The following ICAM5 variants were observed in gnomAD, a reference collection of about 807,000 sequenced individuals.
ICAM5 encodes ICAM-5.
A neutral mutation model predicts 78.8 loss-of-function variants in ICAM5; 38 were observed. The observed-to-expected ratio is 0.48, with a 90% confidence interval of 0.37 to 0.63. The LOEUF is 0.63. ICAM5 is among the 30% of genes least tolerant of loss of function. ICAM5 has a pLI of 0.00. For synonymous variants in ICAM5, 544 were observed against 590.9 expected, an observed-to-expected ratio of 0.92 and a Z score of 1.15; for missense variants, 1,059 against 1,303.0, an observed-to-expected ratio of 0.81 and a Z score of 2.88.
intron 4 of ICAM5, 104 bp downstream of exon 4, chr19:10,292,426 C>G (rs2040181652): frequency 2.3e-6 from 3 of 1,311,686 alleles, no homozygotes; most frequent in Admixed American, 2.6e-5. Flanking sequence ...AGGCGTGGCC[C>G]GAGGGGCGGG....
In ICAM5 at chr19:10,290,794, C is replaced by G; in HGVS notation, c.83-278C>G. 1 of 542,962 alleles carries G rather than the reference C, an allele frequency of 1.8e-6. No homozygotes were observed. Among genetic ancestry groups the G allele is most frequent in the Non-Finnish European group, 3.3e-6 (1 of 306,248 alleles). The allele number at this position is 542,962 out of a possible 1,614,324, so 33.6% of individuals were successfully genotyped here. A position where few individuals can be genotyped will look rare whatever the true frequency, so the allele number is the denominator to read the frequency against. ...GTTCATCCAAGAACCCACCTTTCCT[C>G]TCCTCTACGCCCTCCCCCCATGCTT... On this transcript the variant is annotated intron_variant, in intron 1 of 10. Coordinates refer to ENST00000221980, the MANE Select transcript of ICAM5 (RefSeq NM_003259.4). The surrounding 1 kb of genome is among the most constrained non-coding windows in gnomAD (Gnocchi z 5.7).
Position 10,295,604 on chromosome 19 carries a change from G to C in ICAM5, c.2489G>C (p.Arg830Pro). The C allele has an allele frequency of 6.5e-7, 1 of 1,541,370 alleles. No homozygotes were observed. The highest frequency in any genetic ancestry group is 8.7e-7 in the Non-Finnish European group (1 of 1,145,308). The change falls in exon 10 of 11, where the codon CGC becomes CCC. Residue 830 changes from arginine to proline, a missense_variant. Physicochemically the swap from Arg to Pro is moderately radical, Grantham distance 103. Around this residue, in one of 3 missense-constraint regions of ICAM5, gnomAD observed 135 missense variants for 230.2 expected, o/e 0.59. Transcript: ENST00000221980. Reference protein sequence around the residue: ...HGRHARRITVRVAGPWLWVAV... With the variant: ...HGRHARRITVPVAGPWLWVAV... ...CGCCACGCGCGGCGCATCACGGTGC[G>C]CGTGGCCGGTAAGTGGCAGCTGGGG...
rs1483537761 is a variant in ICAM5, at chr19:10,292,192, C to T, written c.831C>T (p.Leu277=). Residue 277 remains leucine, a synonymous_variant, in exon 4 of 11, where the codon CTC becomes CTT. Transcript: ENST00000221980. ...GDQNLSPDVT[L]EGDAFVATAT... is the part of the protein sequence containing the mutation. ...AGAATCTGAGTCCTGATGTCACCCT[C>T]GAAGGGGACGCATTCGTGGCCACTG... 1.9e-6 allele frequency: 3 copies of T among 1,613,290 alleles called. No individual in the cohort carries two copies. Among genetic ancestry groups the T allele is most frequent in the Non-Finnish European group, 2.5e-6 (3 of 1,180,034 alleles).
chr19:10,290,798 T>C lies in ICAM5; in HGVS notation c.83-274T>C. 1.8e-6 allele frequency: 1 copy of C among 563,776 alleles called. No individual in the cohort carries two copies. 34.9% of individuals were successfully genotyped at this position (563,776 alleles called of 1,614,324 possible). A position where few individuals can be genotyped will look rare whatever the true frequency, so the allele number is the denominator to read the frequency against. ...ATCCAAGAACCCACCTTTCCTCTCC[T>C]CTACGCCCTCCCCCCATGCTTTCCC... On this transcript the variant is annotated intron_variant, in intron 1 of 10. Coordinates refer to ENST00000221980, the MANE Select transcript of ICAM5 (RefSeq NM_003259.4). The surrounding 1 kb of genome is among the most constrained non-coding windows in gnomAD (Gnocchi z 5.7).
Position 10,290,064 on chromosome 19 carries a change from G to T in ICAM5, c.21G>T (p.Gly7=). The T allele has an allele frequency of 1.2e-5, 18 of 1,542,448 alleles. No individual in the cohort carries two copies. The highest frequency in any genetic ancestry group is 1.6e-5 in the Non-Finnish European group (18 of 1,145,006). MPGPSP[G]LRRALLGLWA... is the part of the protein sequence containing the mutation. ...CGGCGATGCCAGGGCCTTCGCCAGG[G>T]CTGCGCCGGGCGCTACTCGGCCTCT... is the stretch of plus-strand genomic sequence containing the variant. The change falls in exon 1 of 11, where the codon GGG becomes GGT. Residue 7 remains glycine, a synonymous_variant. Coordinates refer to ENST00000221980, the MANE Select transcript of ICAM5 (RefSeq NM_003259.4). This position sits in a 1 kb window ranked among gnomAD's most constrained non-coding sequence, Gnocchi z 5.7.
In ICAM5 at chr19:10,296,686, AT is replaced by A; in HGVS notation, c.*73del. On this transcript the variant is annotated 3_prime_UTR_variant, in exon 11 of 11. Transcript: ENST00000221980. Reference sequence around the variant, plus strand: ...CACACGGGGGCTTATTTATTGCTTTATTTATTTACTTATTCATTTATTTATG... The same window carrying A: ...CACACGGGGGCTTATTTATTGCTTTATTATTTACTTATTCATTTATTTATG... 1 of 1,152,342 alleles carries A rather than the reference AT, an allele frequency of 8.7e-7. No homozygotes were observed. Among genetic ancestry groups the A allele is most frequent in the Non-Finnish European group, 1.1e-6 (1 of 930,036 alleles). 71.4% of individuals were successfully genotyped at this position (1,152,342 alleles called of 1,614,324 possible).
chr19:10,292,905 G>T (rs1193192747), intron 5 of ICAM5, 39 bp downstream of exon 5: 1 of 1,605,528 alleles, frequency 6.2e-7, no homozygotes, highest in Admixed American at 1.7e-5. Flanking sequence ...ACCTTCTGGT[G>T]ACTTCCAAGG....
At chr19:10,296,033 G>T (rs959828244) in intron 10 of ICAM5, among the ~76,000 whole-genome samples, 1 of 152,094 alleles carries the variant, frequency 6.6e-6, no homozygotes, top group Non-Finnish European at 1.5e-5. Context: ...CTCTGGGGTC[G>T]GGGGAACCTG....
chr19:10,291,042 C>A, intron 1 of ICAM5, 30 bp from the exon 2 acceptor site: 2 of 1,586,364 alleles, frequency 1.3e-6, no homozygotes, highest in Non-Finnish European at 1.7e-6. Context: ...GAGTTGGCTC[C>A]CCAGGCTCAG....
In ICAM5 at chr19:10,292,097, C is replaced by CCCTCTT; in HGVS notation, c.738_739insTCTTCC (p.Pro246_Val247insSerSer). On this transcript the variant is annotated inframe_insertion, in exon 4 of 11. Coordinates refer to ENST00000221980, the MANE Select transcript of ICAM5 (RefSeq NM_003259.4). ...GCTCTTGGAAGTTGGCTCGGAAAGGCCCGTGAGCTGCACTCTGGACGGACT... is the reference window on the plus strand; with the variant it reads ...GCTCTTGGAAGTTGGCTCGGAAAGGCCCTCTTCCGTGAGCTGCACTCTGGACGGACT... The CCCTCTT allele has an allele frequency of 6.2e-7, 1 of 1,613,350 alleles. No individual in the cohort carries two copies. The highest frequency in any genetic ancestry group is 8.5e-7 in the Non-Finnish European group (1 of 1,179,994).
rs2040205859 is a variant in ICAM5 at position 10,294,600 on chromosome 19, G to T, written c.2190G>T (p.Ala730=). 1.9e-6 allele frequency: 3 copies of T among 1,612,970 alleles called. No homozygotes were observed. Among genetic ancestry groups the T allele is most frequent in the South Asian group, 1.1e-5 (1 of 91,068 alleles). The change falls in exon 9 of 11, where the codon GCG becomes GCT. Residue 730 remains alanine (A), a synonymous_variant. Coordinates refer to ENST00000221980, the MANE Select transcript of ICAM5 (RefSeq NM_003259.4). The surrounding 1 kb of genome is among the most constrained non-coding windows in gnomAD (Gnocchi z 7.7). ...CTTACCACTGTGTGGCCACCAATGCGCATGGCACGGACTCCCGGACCGTCA... is the reference window on the plus strand; with the variant it reads ...CTTACCACTGTGTGGCCACCAATGCTCATGGCACGGACTCCCGGACCGTCA... ...AGTYHCVATN[A]HGTDSRTVTV... is the part of the protein sequence containing the mutation.
rs766315761 is a variant in ICAM5, at chr19:10,292,099, C to T, written c.738C>T (p.Pro246=). 4.3e-6 allele frequency: 7 copies of T among 1,613,342 alleles called. No individual in the cohort carries two copies. In the East Asian group the frequency reaches 6.7e-5, roughly 15 times the overall value. ...PRLLEVGSER[P]VSCTLDGLFP... ...TCTTGGAAGTTGGCTCGGAAAGGCC[C>T]GTGAGCTGCACTCTGGACGGACTGT... Residue 246 remains proline (P), a synonymous_variant, in exon 4 of 11, where the codon CCC becomes CCT. Coordinates refer to ENST00000221980, the MANE Select transcript of ICAM5 (RefSeq NM_003259.4).
rs199738344 is a variant in ICAM5 at position 10,291,631 on chromosome 19, C to A, written c.495C>A (p.Ile165=). 3.7e-6 allele frequency: 6 copies of A among 1,611,706 alleles called. No individual in the cohort carries two copies. In the African/African-American group the frequency reaches 4.0e-5, roughly 11 times the overall value. ...TGCTGCGGGGCGCCCAGGAGCTGAT[C>A]CGCCGCAGCTTCGCCGGTGAACCAC... ...LTLLRGAQEL[I]RRSFAGEPPR... is the part of the protein sequence containing the mutation. The change falls in exon 3 of 11, where the codon ATC becomes ATA. Residue 165 remains isoleucine, a synonymous_variant. Coordinates refer to ENST00000221980, the MANE Select transcript of ICAM5 (RefSeq NM_003259.4).
Position 10,291,656 on chromosome 19 carries a change from C to G in ICAM5, c.520C>G (p.Pro174Ala). 6.2e-7 allele frequency: 1 copy of G among 1,612,056 alleles called. No individual in the cohort carries two copies. The highest frequency in any genetic ancestry group is 2.2e-5 in the East Asian group (1 of 44,856). The change falls in exon 3 of 11, where the codon CCC becomes GCC. Residue 174 changes from proline to alanine, a missense_variant. This residue lies in a region of ICAM5 where 815 missense variants were observed against 952.8 expected (regional missense o/e 0.86). Transcript: ENST00000221980. ...LIRRSFAGEP[P>A]RARGAVLTAT... Reference sequence around the variant, plus strand: ...CCGCCGCAGCTTCGCCGGTGAACCACCCCGAGCGCGGGGCGCGGTGCTCAC... The same window carrying G: ...CCGCCGCAGCTTCGCCGGTGAACCAGCCCGAGCGCGGGGCGCGGTGCTCAC...
At chr19:10,292,456 T>A in intron 4 of ICAM5, 134 bp downstream of exon 4, 1 of 1,358,012 alleles carries the variant, frequency 7.4e-7, no homozygotes, top group Non-Finnish European at 1.0e-6. Context: ...GGCGGAGACG[T>A]AATCGCTGGG....
In ICAM5 at chr19:10,292,629, C is replaced by T. The variant is rs561639656; in HGVS notation, c.979C>T (p.Leu327=). The T allele has an allele frequency of 2.5e-6, 4 of 1,585,884 alleles. No homozygotes were observed. In the Admixed American group the frequency reaches 7.2e-5, roughly 29 times the overall value. ...VTIYSFPAPL[L]TLSEPSVSEG... ...GCCCCCAGGCTTCCCGGCACCACTC[C>T]TGACCCTGAGCGAACCCAGCGTCTC... is the stretch of plus-strand genomic sequence containing the variant. The change falls in exon 5 of 11, where the codon CTG becomes TTG. Residue 327 remains leucine, a synonymous_variant. Coordinates refer to ENST00000221980, the MANE Select transcript of ICAM5 (RefSeq NM_003259.4).
Position 10,291,300 on chromosome 19 carries a change from C to T in ICAM5, c.311C>T (p.Ala104Val), listed in dbSNP as rs1483411531. Residue 104 changes from alanine to valine, a missense_variant, in exon 2 of 11, where the codon GCG becomes GTG. Transcript: ENST00000221980. ...CAGCCCGTCTGCTTCTTCCGCTGCG[C>T]GCGGCGCACACTACAGGCGCGTGGG... ...ETQPVCFFRC[A>V]RRTLQARGLI... The T allele has an allele frequency of 6.2e-7, 1 of 1,612,454 alleles. No homozygotes were observed.
At chr19:10,291,365 G>T (rs778183339) in intron 2 of ICAM5, 24 bp downstream of exon 2, 4 of 1,605,552 alleles carry the variant, frequency 2.5e-6, no homozygotes, top group Admixed American at 3.3e-5. Flanking sequence ...GGCCACGCGC[G>T]TACTCCACTA....
rs1240446166 is a variant in ICAM5 at position 10,293,064 on chromosome 19, C to G, written c.1283C>G (p.Thr428Arg). Residue 428 changes from threonine to arginine, a missense_variant, in exon 6 of 11, where the codon ACG becomes AGG. Thr to Arg is a moderately conservative substitution (Grantham distance 71). Transcript: ENST00000221980. The surrounding 1 kb of genome is among the most constrained non-coding windows in gnomAD (Gnocchi z 5.0). ...ACGTGGCCCGAGGGCCCAGAGCAGACGCTGCGCTGCGAGGCCCGCGGGAAC... is the reference window on the plus strand; with the variant it reads ...ACGTGGCCCGAGGGCCCAGAGCAGAGGCTGCGCTGCGAGGCCCGCGGGAAC... ...SWTWPEGPEQTLRCEARGNPE... is the reference protein window; with the variant it reads ...SWTWPEGPEQRLRCEARGNPE... The G allele has an allele frequency of 6.2e-7, 1 of 1,610,372 alleles. No individual in the cohort carries two copies.
Sources: gnomAD v4.1 joint callset for allele counts (sites outside exome capture counted in the v4.1 genomes callset) on GRCh38, gnomAD v4.1.1 for gene constraint, gnomAD v4.1.1 regional missense constraint, Gnocchi (gnomAD v3.1) non-coding constraint, MANE v1.5 for transcripts, NCBI Gene and HGNC (gene_info 2026-07-23, HGNC 2026-07-21) for gene names.